Variants in TTC27 observed in about 807,000 individuals in gnomAD.
TTC27 encodes tetratricopeptide repeat domain 27.
A neutral mutation model predicts 115.9 loss-of-function variants in TTC27; 79 were observed. That is an observed-to-expected ratio of 0.68 (90% CI 0.57 to 0.82). The LOEUF (loss-of-function observed/expected upper bound fraction) is 0.82, where lower values mean the gene tolerates loss of function less well. Among genes scored for constraint, TTC27 ranks in the 40% least tolerant of loss-of-function variants. The pLI is 0.00. For missense variants in TTC27, 1,054 were observed against 993.1 expected (o/e 1.06, Z -0.82); for synonymous variants, 401 against 356.0 (o/e 1.13, Z -1.42).
chr2:32,743,320 A>G (rs781484115), intron 12 of TTC27, among the ~76,000 whole-genome samples: 8 of 152,202 alleles, frequency 5.3e-5, no homozygotes, highest in Non-Finnish European at 1.0e-4. Context: ...AAGTATGAAT[A>G]ACTTTCCTGA....
In TTC27 at chr2:32,782,555, G is replaced by T. The variant is rs913107226; in HGVS notation, c.1780-71G>T. On this transcript the variant is annotated intron_variant, in intron 14 of 19. Transcript: ENST00000317907. ...ATATATTGGACTAGGAGAGTGTGTT[G>T]TACTTTTGGTTTAAGCAATAATTTT... is the stretch of plus-strand genomic sequence containing the variant. The T allele has an allele frequency of 2.2e-5, 30 of 1,365,170 alleles. 1 individual carries two copies. The Admixed American group carries it at 5.3e-4, about 24-fold the overall frequency. The allele number at this position is 1,365,170 out of a possible 1,614,324, so 84.6% of individuals were successfully genotyped here.
Position 32,702,849 on chromosome 2 carries a change from G to T in TTC27, c.1162G>T (p.Ala388Ser). The T allele has an allele frequency of 6.2e-7, 1 of 1,614,048 alleles. No homozygotes were observed. The highest frequency in any genetic ancestry group is 1.1e-5 in the South Asian group (1 of 91,074). ...QPKFWAIQTS[A>S]LILRTKLEKG... ...AAAGTTCTGGGCCATTCAGACATCA[G>T]CCTTGATCCTCCGGACAAAACTTGA... Residue 388 changes from alanine to serine, a missense_variant, in exon 10 of 20, where the codon GCC (alanine) becomes TCC (serine). By Grantham distance (99) the Ala-to-Ser change is moderately conservative. Transcript: ENST00000317907.
At chr2:32,703,863 A>C (rs983288176) in intron 10 of TTC27, among the ~76,000 whole-genome samples, 48 of 152,320 alleles carry the variant, frequency 3.2e-4, no homozygotes, top group African/African-American at 1.2e-3. Context: ...GTAATTTATA[A>C]AGTACTGAAA....
chr2:32,648,639 A>C (rs2151868627), intron 4 of TTC27, among the ~76,000 whole-genome samples: 1 of 152,030 alleles, frequency 6.6e-6, no homozygotes. Flanking sequence ...TATGTTGATC[A>C]AGTAAGAAAA....
intron 12 of TTC27, among the ~76,000 whole-genome samples, chr2:32,749,427 C>T (rs1668937558): frequency 6.6e-6 from 1 of 152,206 alleles, no homozygotes. Flanking sequence ...TACTACAGAA[C>T]TGGAGAAGAG....
At chr2:32,795,407 C>T (rs886231113) in intron 16 of TTC27, among the ~76,000 whole-genome samples, 2 of 151,904 alleles carry the variant, frequency 1.3e-5, no homozygotes, top group Admixed American at 1.3e-4. Context: ...AGCACACATT[C>T]CTGATTTAAA....
chr2:32,724,476 C>T (rs1023104499), intron 10 of TTC27, among the ~76,000 whole-genome samples: 3 of 152,078 alleles, frequency 2.0e-5, no homozygotes, highest in African/African-American at 7.2e-5. Flanking sequence ...CTGAATGCCT[C>T]ACCACCACAC....
At chr2:32,650,348 TGTTTC>T (rs747173769) in intron 5 of TTC27, 115 bp downstream of exon 5, 2 of 513,428 alleles carry the variant, frequency 3.9e-6, no homozygotes, top group South Asian at 4.3e-5. Flanking sequence ...CGTTTTGAGT[TGTTTC>T]TTTTTTTTTT....
At chr2:32,820,713 G>A (rs1258107267) in intron 19 of TTC27, 103 bp from the exon 20 acceptor site, 14 of 1,071,938 alleles carry the variant, frequency 1.3e-5, no homozygotes, top group Non-Finnish European at 1.7e-5. Context: ...TAATTGTATA[G>A]TATTATTATG....
intron 10 of TTC27, among the ~76,000 whole-genome samples, chr2:32,714,043 G>A (rs1181477687): frequency 6.6e-6 from 1 of 151,966 alleles, no homozygotes; most frequent in East Asian, 1.9e-4. Context: ...CCTTGCATTA[G>A]TTTGCTTAAG....
intron 5 of TTC27, among the ~76,000 whole-genome samples, chr2:32,652,439 G>T (rs941053649): frequency 1.3e-5 from 2 of 151,960 alleles, no homozygotes; most frequent in African/African-American, 4.8e-5. Context: ...GGTATATTTT[G>T]GAGAGGATTC....
chr2:32,645,939 C>T (rs1218495041), intron 4 of TTC27, among the ~76,000 whole-genome samples: 5 of 151,860 alleles, frequency 3.3e-5, no homozygotes, highest in Admixed American at 2.0e-4. Flanking sequence ...AGGCTGGTCT[C>T]GAACTCCTGA....
At chr2:32,724,753 A>C (rs961966649) in intron 10 of TTC27, among the ~76,000 whole-genome samples, 1 of 152,210 alleles carries the variant, frequency 6.6e-6, no homozygotes, top group Non-Finnish European at 1.5e-5. Context: ...AAATTCCCCA[A>C]AAAATAAATG....
chr2:32,699,387 G>T (rs1416961720), intron 9 of TTC27, among the ~76,000 whole-genome samples: 1 of 152,200 alleles, frequency 6.6e-6, no homozygotes, highest in Non-Finnish European at 1.5e-5. Context: ...CTACTGGGGG[G>T]CGTGGTGAAG....
chr2:32,787,131 C>T lies in TTC27; in HGVS notation c.1980C>T (p.Asp660=). 6.2e-7 allele frequency: 1 copy of T among 1,612,486 alleles called. No homozygotes were observed. The highest frequency in any genetic ancestry group is 1.1e-5 in the South Asian group (1 of 90,494). ...ATCACCGGCTCTTGGACTTACGTGA[C>T]AAATACAAAGATGTTCAGGTAGGAT... ...KAYHRLLDLR[D]KYKDVQVLKI... is the part of the protein sequence containing the mutation. Residue 660 remains aspartate, a synonymous_variant, in exon 16 of 20, where the codon GAC becomes GAT. Transcript: ENST00000317907.
chr2:32,746,108 G>A (rs902180461), intron 12 of TTC27, among the ~76,000 whole-genome samples: 5 of 152,138 alleles, frequency 3.3e-5, no homozygotes, highest in African/African-American at 9.7e-5. Context: ...TATGTGGAGC[G>A]GGGGTAATGA....
At chr2:32,712,551 T>C (rs887878615) in intron 10 of TTC27, among the ~76,000 whole-genome samples, 2 of 151,982 alleles carry the variant, frequency 1.3e-5, no homozygotes, top group African/African-American at 4.8e-5. Context: ...TAAATTCTTT[T>C]TTTTTCTTTT....
At chr2:32,636,447 C>T (rs1664431210) in intron 3 of TTC27, among the ~76,000 whole-genome samples, 2 of 152,180 alleles carry the variant, frequency 1.3e-5, no homozygotes, top group Non-Finnish European at 2.9e-5. Context: ...CTCCTGACCT[C>T]AGGTGATCCA....
intron 6 of TTC27, among the ~76,000 whole-genome samples, chr2:32,664,938 T>A (rs1462056987): frequency 1.3e-5 from 2 of 151,854 alleles, no homozygotes; most frequent in Non-Finnish European, 2.9e-5. Flanking sequence ...GTTCAAGCAA[T>A]TCTCCTGCCT....
Sources: gnomAD v4.1 joint callset for allele counts (sites outside exome capture counted in the v4.1 genomes callset) on GRCh38, gnomAD v4.1.1 for gene constraint, MANE v1.5 for transcripts, NCBI Gene and HGNC (gene_info 2026-07-23, HGNC 2026-07-21) for gene names.